The following SLC2A1 variants were observed in gnomAD, a reference collection of about 807,000 sequenced individuals.
SLC2A1 encodes solute carrier family 2, facilitated glucose transporter member 1.
In SLC2A1, 4 loss-of-function variants were observed where a neutral mutation model predicts 46.6. The observed-to-expected ratio is 0.09, with a 90% CI of 0.04 to 0.20. The LOEUF is 0.20. SLC2A1 is among the 10% of genes least tolerant of loss of function. The pLI is 1.00. For missense variants in SLC2A1, 352 were observed against 667.0 expected, an observed-to-expected ratio of 0.53 and a Z score of 5.20; for synonymous variants, 253 against 270.0, an observed-to-expected ratio of 0.94 and a Z score of 0.62.
intron 1 of SLC2A1, among the ~76,000 whole-genome samples, chr1:42,950,110 A>G (rs965200863): frequency 3.9e-5 from 6 of 152,342 alleles, no homozygotes; most frequent in African/African-American, 1.4e-4. Flanking sequence ...TTACATTTTT[A>G]AGTAGCTGGG....
rs796053259 is a variant in SLC2A1, at chr1:42,927,774, A to G, written c.1109T>C (p.Val370Ala). 6.2e-7 allele frequency: 1 copy of G among 1,613,922 alleles called. No individual in the cohort carries two copies. The highest frequency in any genetic ancestry group is 1.6e-4 in the Middle Eastern group (1 of 6,062). The change falls in exon 9 of 10, where the codon GTG (valine) becomes GCG (alanine). Residue 370 changes from valine to alanine, a missense_variant. Val to Ala is a moderately conservative substitution (Grantham distance 64). This residue lies in a region of SLC2A1 where 167 missense variants were observed against 280.8 expected (regional missense o/e 0.59). Coordinates refer to ENST00000426263, the MANE Select transcript of SLC2A1 (RefSeq NM_006516.4). This position sits in a 1 kb window ranked among gnomAD's most constrained non-coding sequence, Gnocchi z 5.3. Reference sequence around the variant, plus strand: ...GAAGGCCACAAAGCCAAAGATGGCCACGATGCTCAGATAGGACATCCAGGG... The same window carrying G: ...GAAGGCCACAAAGCCAAAGATGGCCGCGATGCTCAGATAGGACATCCAGGG... ...QLPWMSYLSI[V>A]AIFGFVAFFE...
intron 2 of SLC2A1, among the ~76,000 whole-genome samples, chr1:42,935,934 C>T (rs1643538492): frequency 6.6e-6 from 1 of 152,322 alleles, no homozygotes; most frequent in Admixed American, 6.5e-5. Context: ...GCCTCTGTCA[C>T]TCATTGTTCT....
At position 42,926,629 on chromosome 1, in the gene SLC2A1, G is replaced by C. The variant is rs1206159096; in HGVS notation, c.*412C>G. On this transcript the variant is annotated 3_prime_UTR_variant, in exon 10 of 10. Transcript: ENST00000426263. ...ATAGAAGCTTTGTAGTTCATAGTTC[G>C]ATTAGTGTGTCCTTAGGACATAGGT... The C allele has an allele frequency of 2.2e-5, 25 of 1,128,646 alleles. No individual in the cohort carries two copies. Among genetic ancestry groups the C allele is most frequent in the East Asian group, 5.8e-5 (1 of 17,300 alleles). 69.9% of individuals were successfully genotyped at this position (1,128,646 alleles called of 1,614,324 possible). A position where few individuals can be genotyped will look rare whatever the true frequency, so the allele number is the denominator to read the frequency against.
chr1:42,931,011 C>A, intron 3 of SLC2A1, 35 bp downstream of exon 3: 1 of 1,613,416 alleles, frequency 6.2e-7, no homozygotes, highest in Non-Finnish European at 8.5e-7. Context: ...GGGCATGGGC[C>A]CTCCAAGGGC....
intron 2 of SLC2A1, among the ~76,000 whole-genome samples, chr1:42,933,910 C>T (rs1384669981): frequency 1.3e-5 from 2 of 152,208 alleles, no homozygotes; most frequent in Non-Finnish European, 2.9e-5. Flanking sequence ...CCTGTGCAGA[C>T]TGGCTCCTGA....
chr1:42,948,132 C>A (rs747482566), intron 1 of SLC2A1, among the ~76,000 whole-genome samples: 1 of 152,140 alleles, frequency 6.6e-6, no homozygotes, highest in Non-Finnish European at 1.5e-5. Flanking sequence ...CCTATCCCAC[C>A]GCTGGGGGTC....
At chr1:42,956,092 G>C (rs1395795137) in intron 1 of SLC2A1, among the ~76,000 whole-genome samples, 3 of 152,144 alleles carry the variant, frequency 2.0e-5, no homozygotes, top group African/African-American at 7.2e-5. Flanking sequence ...CAAATCAGCA[G>C]TCTCCAAAGG....
chr1:42,946,366 C>G (rs1320350457), intron 1 of SLC2A1, among the ~76,000 whole-genome samples: 1 of 152,200 alleles, frequency 6.6e-6, no homozygotes, highest in Non-Finnish European at 1.5e-5. Context: ...CTAAGTAGAG[C>G]TGGGGCCCCG....
intron 2 of SLC2A1, among the ~76,000 whole-genome samples, chr1:42,941,849 C>T (rs1643601764): frequency 1.3e-5 from 2 of 152,240 alleles, no homozygotes; most frequent in Admixed American, 1.3e-4. Context: ...GGGCTTGGGG[C>T]TGGTCCAAGC....
At position 42,929,297 on chromosome 1, in the gene SLC2A1, C is replaced by T. The variant is rs144685583; in HGVS notation, c.885G>A (p.Thr295=). The T allele has an allele frequency of 9.0e-5, 145 of 1,612,308 alleles. No homozygotes were observed. The highest frequency in any genetic ancestry group is 8.0e-4 in the Admixed American group (48 of 59,840). The change falls in exon 7 of 10, where the codon ACG becomes ACA. Residue 295 remains threonine, a synonymous_variant. Transcript: ENST00000426263. The surrounding 1 kb of genome is among the most constrained non-coding windows in gnomAD (Gnocchi z 6.0). Reference sequence around the variant, plus strand: ...GCACCCCCGCCTTCTCGAAGATGCTCGTGGAGTAATAGAAGACCTGCCAGA... The same window carrying T: ...GCACCCCCGCCTTCTCGAAGATGCTTGTGGAGTAATAGAAGACCTGCCAGA... The part of the protein sequence containing the change: ...SGINAVFYYS[T]SIFEKAGVQQ...
chr1:42,945,415 T>C (rs1643643589), intron 1 of SLC2A1, among the ~76,000 whole-genome samples: 2 of 150,632 alleles, frequency 1.3e-5, no homozygotes, highest in Middle Eastern at 3.3e-3. Flanking sequence ...GTATATTGTA[T>C]GCTACCTTTT....
chr1:42,933,846 G>A (rs1042876944), intron 2 of SLC2A1, among the ~76,000 whole-genome samples: 1 of 152,142 alleles, frequency 6.6e-6, no homozygotes, highest in Non-Finnish European at 1.5e-5. Flanking sequence ...AGGGCTGCAG[G>A]GCAATGGTGT....
chr1:42,936,966 T>C lies in SLC2A1; in HGVS notation c.115-5760A>G, dbSNP rs184910780. 6.6e-4 allele frequency among the ~76,000 whole-genome samples: 100 copies of C among 152,284 alleles called. 1 individual carries two copies. The highest frequency in any genetic ancestry group is 1.2e-3 in the Non-Finnish European group (83 of 68,020). ...CATCTGCCAATGCCCAGAGACATTT[T>C]TGGTTGCCACACTGGCTACTGGTAT... is the stretch of plus-strand genomic sequence containing the variant. On this transcript the variant is annotated intron_variant, in intron 2 of 9. Coordinates refer to ENST00000426263, the MANE Select transcript of SLC2A1 (RefSeq NM_006516.4).
At chr1:42,945,441 AT>A (rs1643644007) in intron 1 of SLC2A1, among the ~76,000 whole-genome samples, 1 of 151,866 alleles carries the variant, frequency 6.6e-6, no homozygotes, top group Admixed American at 6.6e-5. Flanking sequence ...AAAAAAAAAA[AT>A]TGGCTGGGGG....
chr1:42,949,355 G>A, intron 1 of SLC2A1, among the ~76,000 whole-genome samples: 1 of 152,194 alleles, frequency 6.6e-6, no homozygotes, highest in East Asian at 1.9e-4. Context: ...GAGGTCAGAG[G>A]GCAGGTGCCC....
chr1:42,954,427 A>T lies in SLC2A1; in HGVS notation c.18+4207T>A, dbSNP rs1294981315. On this transcript the variant is annotated intron_variant, in intron 1 of 9. Coordinates refer to ENST00000426263, the MANE Select transcript of SLC2A1 (RefSeq NM_006516.4). The surrounding 1 kb of genome is among the most constrained non-coding windows in gnomAD (Gnocchi z 4.2). ...GTAATCCCAGCTACTCGGGAGGCTG[A>T]GGCAGGAGAACCACTAGAACCTGGG... is the stretch of plus-strand genomic sequence containing the variant. Among the ~76,000 whole-genome samples, 1 of 152,342 alleles carries T rather than the reference A, an allele frequency of 6.6e-6. No homozygotes were observed. The highest frequency in any genetic ancestry group is 1.9e-4 in the East Asian group (1 of 5,186).
rs536842474 is a variant in SLC2A1, at chr1:42,937,704, T to A, written c.114+5522A>T. 3.9e-5 allele frequency among the ~76,000 whole-genome samples: 6 copies of A among 152,336 alleles called. No homozygotes were observed. The South Asian group carries it at 1.2e-3, about 32-fold the overall frequency. ...TTTGAAGAACAACTGAATTACTATTTCTAGAGTATGTATAACAATGCCTGG... is the reference window on the plus strand; with the variant it reads ...TTTGAAGAACAACTGAATTACTATTACTAGAGTATGTATAACAATGCCTGG... On this transcript the variant is annotated intron_variant, in intron 2 of 9. Coordinates refer to ENST00000426263, the MANE Select transcript of SLC2A1 (RefSeq NM_006516.4).
intron 1 of SLC2A1, among the ~76,000 whole-genome samples, chr1:42,953,061 GCCGTTTCCTC>G: frequency 6.6e-6 from 1 of 152,336 alleles, no homozygotes; most frequent in East Asian, 1.9e-4. Flanking sequence ...TTCTGATGGA[GCCGTTTCCTC>G]CCCACTCCCA....
Position 42,929,570 on chromosome 1 carries a change from G to A in SLC2A1, c.867+23C>T, listed in dbSNP as rs1346577628. The A allele has an allele frequency of 1.3e-6, 2 of 1,599,646 alleles. No individual in the cohort carries two copies. The highest frequency in any genetic ancestry group is 1.7e-6 in the Non-Finnish European group (2 of 1,169,320). On this transcript the variant is annotated intron_variant, in intron 6 of 9. Transcript: ENST00000426263. The surrounding 1 kb of genome is among the most constrained non-coding windows in gnomAD (Gnocchi z 6.0). ...ACCAGAGGGCTTGGCTGGGGCACAGGAAGGGTGGGTGGGGGCACTCACAGC... is the reference window on the plus strand; with the variant it reads ...ACCAGAGGGCTTGGCTGGGGCACAGAAAGGGTGGGTGGGGGCACTCACAGC...
Sources: gnomAD v4.1 joint callset for allele counts (sites outside exome capture counted in the v4.1 genomes callset) on GRCh38, gnomAD v4.1.1 for gene constraint, gnomAD v4.1.1 regional missense constraint, Gnocchi (gnomAD v3.1) non-coding constraint, MANE v1.5 for transcripts, NCBI Gene and HGNC (gene_info 2026-07-23, HGNC 2026-07-21) for gene names.